RBFOX1: variants seen among roughly 807,000 people sequenced by gnomAD.
The protein encoded by RBFOX1 is RNA binding fox-1 homolog 1, also known as RNA binding protein fox-1 homolog 1.
RBFOX1 carries 8 observed loss-of-function variants against 57.7 expected under a neutral mutation model. The ratio of observed to expected loss-of-function variants is 0.14; its 90% CI spans 0.08 to 0.25. The LOEUF (loss-of-function observed/expected upper bound fraction) is 0.25, where lower values mean the gene tolerates loss of function less well. RBFOX1 is among the 10% of genes least tolerant of loss of function. The pLI, the probability that RBFOX1 is intolerant of heterozygous loss-of-function variation, is 1.00. For synonymous variants in RBFOX1, 326 were observed against 222.4 expected (o/e 1.47, Z -4.15); for missense variants, 611 against 548.5 (o/e 1.11, Z -1.14).
In RBFOX1 at chr16:6,934,653, G is replaced by A. The variant is rs185822195; in HGVS notation, c.-15-117404G>A. Among the ~76,000 whole-genome samples the A allele has an allele frequency of 1.4e-3, 208 of 152,266 alleles. 2 individuals are homozygous for A. Among genetic ancestry groups the A allele is most frequent in the Non-Finnish European group, 7.2e-4 (49 of 68,020 alleles). On this transcript the variant is annotated intron_variant, in intron 3 of 15. Transcript: ENST00000550418. Reference sequence around the variant, plus strand: ...AAATTACTCAAGCACAGAAAGACAAGTACCATATTCTCACTCATATGTGGG... The same window carrying A: ...AAATTACTCAAGCACAGAAAGACAAATACCATATTCTCACTCATATGTGGG...
At chr16:7,252,249 C>A (rs937563166) in intron 4 of RBFOX1, among the ~76,000 whole-genome samples, 2 of 152,150 alleles carry the variant, frequency 1.3e-5, no homozygotes, top group African/African-American at 4.8e-5. Flanking sequence ...TTCATTTATT[C>A]GTTCATTCAA....
At chr16:6,517,227 C>T (rs1231283139) in intron 2 of RBFOX1, among the ~76,000 whole-genome samples, 1 of 152,040 alleles carries the variant, frequency 6.6e-6, no homozygotes, top group African/African-American at 2.4e-5. Context: ...ATGGCCTTCC[C>T]CTGCTGAACA....
intron 4 of RBFOX1, among the ~76,000 whole-genome samples, chr16:7,317,254 C>T (rs1603619494): frequency 6.6e-6 from 1 of 152,034 alleles, no homozygotes; most frequent in East Asian, 1.9e-4. Flanking sequence ...GATGTTCAGC[C>T]AGAAGAGAAG....
chr16:6,893,181 G>T (rs1245708991), intron 3 of RBFOX1, among the ~76,000 whole-genome samples: 1 of 152,012 alleles, frequency 6.6e-6, no homozygotes, highest in Non-Finnish European at 1.5e-5. Context: ...GCAGGCAGTG[G>T]AGTGAGTTTA....
chr16:7,232,057 G>C (rs192454685), intron 4 of RBFOX1, among the ~76,000 whole-genome samples: 1 of 151,790 alleles, frequency 6.6e-6, no homozygotes, highest in Admixed American at 6.6e-5. Context: ...ACAGAGTCTC[G>C]GTCTGTCACC....
At chr16:7,268,866 A>C (rs2095245410) in intron 4 of RBFOX1, among the ~76,000 whole-genome samples, 2 of 151,704 alleles carry the variant, frequency 1.3e-5, no homozygotes, top group East Asian at 3.9e-4. Flanking sequence ...GTGAAACCCC[A>C]TCTCTACTAA....
intron 4 of RBFOX1, among the ~76,000 whole-genome samples, chr16:7,267,519 G>A (rs780182815): frequency 6.6e-6 from 1 of 152,102 alleles, no homozygotes; most frequent in Non-Finnish European, 1.5e-5. Flanking sequence ...CTGGGCAACA[G>A]AGTGAGACTC....
chr16:5,439,036 G>A (rs1004026976), intron 1 of RBFOX1, among the ~76,000 whole-genome samples: 54 of 150,218 alleles, frequency 3.6e-4, no homozygotes, highest in African/African-American at 1.2e-3. Context: ...GAATAATGGG[G>A]GGGGGGGCAT....
chr16:7,410,017 G>C (rs2098407035), intron 4 of RBFOX1, among the ~76,000 whole-genome samples: 1 of 152,168 alleles, frequency 6.6e-6, no homozygotes, highest in African/African-American at 2.4e-5. Context: ...TGCAATACCA[G>C]GGTCCCTTCA....
intron 2 of RBFOX1, among the ~76,000 whole-genome samples, chr16:6,612,948 A>G (rs1176825230): frequency 1.3e-5 from 2 of 151,996 alleles, no homozygotes; most frequent in Non-Finnish European, 2.9e-5. Flanking sequence ...TTTGACAAAC[A>G]AAGCCCCCGT....
At chr16:6,918,739 C>T (rs961151689) in intron 3 of RBFOX1, among the ~76,000 whole-genome samples, 2 of 152,106 alleles carry the variant, frequency 1.3e-5, no homozygotes, top group African/African-American at 2.4e-5. Flanking sequence ...CAACATGAAG[C>T]GGCAGTCTCA....
chr16:5,827,692 GC>G, intron 3 of RBFOX1, among the ~76,000 whole-genome samples: 1 of 152,258 alleles, frequency 6.6e-6, no homozygotes, highest in East Asian at 1.9e-4. Flanking sequence ...GGCAACCCCT[GC>G]TTTGAGTTAA....
chr16:7,238,342 T>TA lies in RBFOX1; in HGVS notation c.27+186247dup, dbSNP rs1390219089. On this transcript the variant is annotated intron_variant, in intron 4 of 15. Transcript: ENST00000550418. ...CTTAAAATGGTAAAAAAAAAATAAATAAATAAAATAAAAATTAAAAGAAGA... is the reference window on the plus strand; with the variant it reads ...CTTAAAATGGTAAAAAAAAAATAAATAAAATAAAATAAAAATTAAAAGAAGA... 2.0e-5 allele frequency among the ~76,000 whole-genome samples: 3 copies of TA among 147,836 alleles called. No homozygotes were observed. In the East Asian group the frequency reaches 6.0e-4, roughly 30 times the overall value.
intron 4 of RBFOX1, among the ~76,000 whole-genome samples, chr16:7,395,411 G>A (rs1241493597): frequency 6.6e-6 from 1 of 152,216 alleles, no homozygotes; most frequent in Non-Finnish European, 1.5e-5. Flanking sequence ...AGCTGTAAAT[G>A]AAACATTAGG....
At chr16:6,901,504 A>G (rs907349362) in intron 3 of RBFOX1, among the ~76,000 whole-genome samples, 4 of 152,196 alleles carry the variant, frequency 2.6e-5, no homozygotes, top group African/African-American at 9.6e-5. Flanking sequence ...TCGACCTGGA[A>G]TGACAGCAAG....
chr16:6,931,938 G>T (rs767255121), intron 3 of RBFOX1, among the ~76,000 whole-genome samples: 2 of 152,262 alleles, frequency 1.3e-5, no homozygotes, highest in South Asian at 4.2e-4. Context: ...AAGAGAACCA[G>T]GGGGCTGAAG....
chr16:5,592,093 A>G (rs751582363), intron 2 of RBFOX1, among the ~76,000 whole-genome samples: 1 of 152,210 alleles, frequency 6.6e-6, no homozygotes, highest in Admixed American at 6.5e-5. Context: ...TACAAGGATT[A>G]TGGGGATTTC....
At chr16:6,843,318 A>C (rs913324589) in intron 3 of RBFOX1, among the ~76,000 whole-genome samples, 2 of 152,116 alleles carry the variant, frequency 1.3e-5, no homozygotes, top group East Asian at 3.9e-4. Context: ...CTTCTGGAGC[A>C]AATAGAGAAA....
At chr16:6,219,916 C>T (rs549148766) in intron 1 of RBFOX1, among the ~76,000 whole-genome samples, 4 of 151,986 alleles carry the variant, frequency 2.6e-5, no homozygotes, top group Non-Finnish European at 5.9e-5. Flanking sequence ...AACTAATTCT[C>T]GTATCGATTG....
Sources: gnomAD v4.1 joint callset for allele counts (sites outside exome capture counted in the v4.1 genomes callset) on GRCh38, gnomAD v4.1.1 for gene constraint, MANE v1.5 for transcripts, NCBI Gene and HGNC (gene_info 2026-07-23, HGNC 2026-07-21) for gene names.